FHAD1: variants seen among roughly 807,000 people sequenced by gnomAD.
The protein encoded by FHAD1 is forkhead associated phosphopeptide binding domain 1.
FHAD1 carries 146 observed loss-of-function variants against 191.3 expected under a neutral mutation model. The ratio of observed to expected loss-of-function variants is 0.76; its 90% CI spans 0.67 to 0.88. The LOEUF is 0.88. Ranked by LOEUF, FHAD1 falls within the 40% of genes least tolerant of loss-of-function variation. The pLI is 0.00. For synonymous variants in FHAD1, 616 were observed against 672.3 expected (o/e 0.92, Z 1.29); for missense variants, 1,635 against 1,785.8 (o/e 0.92, Z 1.52).
chr1:15,367,322 C>G (rs531319713), intron 24 of FHAD1, 141 bp from the exon 25 acceptor site: 529 of 926,492 alleles, frequency 5.7e-4, no homozygotes, highest in Middle Eastern at 9.4e-4. Context: ...ATGGTGAAAC[C>G]CTGTCTCTAC....
In FHAD1 at chr1:15,367,635, G is replaced by A. The variant is rs1255112482; in HGVS notation, c.3314+13G>A. On this transcript the variant is annotated intron_variant, in intron 25 of 33. Coordinates refer to ENST00000688493, the MANE Select transcript of FHAD1 (RefSeq NM_001391957.1). ...AGGAGGCACTCAGGTTGGGTGGGCG[G>A]GGGCCGGGTTGGGGGGATGGTTTGC... is the stretch of plus-strand genomic sequence containing the variant. The A allele has an allele frequency of 3.3e-6, 5 of 1,531,480 alleles. No homozygotes were observed. Among genetic ancestry groups the A allele is most frequent in the Non-Finnish European group, 4.4e-6 (5 of 1,136,450 alleles). The allele number at this position is 1,531,480 out of a possible 1,614,324, so 94.9% of individuals were successfully genotyped here. A position where few individuals can be genotyped will look rare whatever the true frequency, so the allele number is the denominator to read the frequency against.
intron 14 of FHAD1, chr1:15,335,332 A>G (rs533441252): frequency 3.9e-5 from 6 of 152,334 alleles, no homozygotes; most frequent in African/African-American, 1.4e-4. Flanking sequence ...TTTCTCTGCA[A>G]GCTCCGTCGT....
intron 14 of FHAD1, among the ~76,000 whole-genome samples, chr1:15,333,411 G>C (rs1682554493): frequency 6.6e-6 from 1 of 152,108 alleles, no homozygotes; most frequent in Non-Finnish European, 1.5e-5. Flanking sequence ...GACGATGATA[G>C]TCATTCATCA....
At chr1:15,355,202 C>T (rs1454839914) in intron 20 of FHAD1, among the ~76,000 whole-genome samples, 2 of 147,974 alleles carry the variant, frequency 1.4e-5, no homozygotes, top group African/African-American at 5.2e-5. Flanking sequence ...GAGTGAGACT[C>T]CTTCTCAAAA....
At chr1:15,378,873 A>G (rs774414995) in intron 28 of FHAD1, among the ~76,000 whole-genome samples, 1 of 151,480 alleles carries the variant, frequency 6.6e-6, no homozygotes, top group Non-Finnish European at 1.5e-5. Context: ...TTGTGAGGGG[A>G]TGTATGGGGG....
At chr1:15,259,944 G>A (rs1650227717) in intron 2 of FHAD1, among the ~76,000 whole-genome samples, 2 of 152,182 alleles carry the variant, frequency 1.3e-5, no homozygotes, top group South Asian at 4.1e-4. Context: ...GAAGCACTTG[G>A]CATGGCATGA....
At chr1:15,338,173 G>A (rs1685056099) in intron 14 of FHAD1, among the ~76,000 whole-genome samples, 1 of 151,766 alleles carries the variant, frequency 6.6e-6, no homozygotes, top group South Asian at 2.1e-4. Flanking sequence ...GTGGCTTCCT[G>A]TGACTATTGT....
intron 33 of FHAD1, among the ~76,000 whole-genome samples, chr1:15,391,485 G>A (rs572901236): frequency 4.6e-5 from 7 of 152,168 alleles, no homozygotes; most frequent in East Asian, 1.9e-4. Context: ...GAGCCACCGC[G>A]CCTGGCTGAA....
chr1:15,267,467 A>C (rs1217345503), intron 2 of FHAD1, among the ~76,000 whole-genome samples: 1 of 152,168 alleles, frequency 6.6e-6, no homozygotes, highest in Non-Finnish European at 1.5e-5. Flanking sequence ...TTGGCCTCAC[A>C]GAATAAGTTA....
intron 2 of FHAD1, among the ~76,000 whole-genome samples, chr1:15,260,571 C>T (rs934445726): frequency 6.6e-6 from 1 of 152,180 alleles, no homozygotes; most frequent in African/African-American, 2.4e-5. Flanking sequence ...AAGAATTTAG[C>T]TCGATGCTGC....
intron 31 of FHAD1, among the ~76,000 whole-genome samples, chr1:15,387,242 C>T (rs1470461116): frequency 6.6e-6 from 1 of 152,098 alleles, no homozygotes; most frequent in Non-Finnish European, 1.5e-5. Context: ...TTATTTAACT[C>T]ATTATTTCCC....
At chr1:15,376,073 ATTTATTTT>A (rs756032729) in intron 28 of FHAD1, among the ~76,000 whole-genome samples, 4,903 of 136,576 alleles carry the variant, frequency 0.036, 67 homozygotes, top group African/African-American at 0.044. Context: ...TTATTTATTT[ATTTATTTT>A]TTTATTTATT....
intron 16 of FHAD1, 57 bp from the exon 17 acceptor site, chr1:15,345,026 C>T (rs575933339): frequency 2.2e-5 from 30 of 1,335,094 alleles, no homozygotes; most frequent in African/African-American, 2.9e-5. Context: ...TGCCTGGCAG[C>T]GTCCAAATTC....
At chr1:15,297,472 C>T (rs1356379731) in intron 5 of FHAD1, among the ~76,000 whole-genome samples, 1 of 152,222 alleles carries the variant, frequency 6.6e-6, no homozygotes, top group East Asian at 1.9e-4. Flanking sequence ...TTCTCAGAGT[C>T]TGTAAGGAGC....
intron 16 of FHAD1, 25 bp from the exon 17 acceptor site, chr1:15,345,058 T>G: frequency 6.6e-7 from 1 of 1,522,130 alleles, no homozygotes; most frequent in Non-Finnish European, 8.9e-7. Context: ...ACCATGTCTG[T>G]TAAACAATGG....
chr1:15,302,452 G>A (rs370801866), intron 6 of FHAD1, among the ~76,000 whole-genome samples: 318 of 152,116 alleles, frequency 2.1e-3, no homozygotes, highest in African/African-American at 7.1e-3. Context: ...ATGGCTGGGC[G>A]CGGTGGCGCA....
Position 15,316,168 on chromosome 1 carries a change from G to A in FHAD1, c.1171-210G>A, listed in dbSNP as rs1429499213. 6.6e-6 allele frequency among the ~76,000 whole-genome samples: 1 copy of A among 152,234 alleles called. No homozygotes were observed. Among genetic ancestry groups the A allele is most frequent in the Non-Finnish European group, 1.5e-5 (1 of 68,046 alleles). The stretch of plus-strand genomic sequence containing the variant: ...ATGAGAGTAGTGGCTTTATTCCTCT[G>A]ATTTCCTGAGTGGAGAAGCAGGAAC... On this transcript the variant is annotated intron_variant, in intron 8 of 33. Transcript: ENST00000688493. The surrounding 1 kb of genome is among the most constrained non-coding windows in gnomAD (Gnocchi z 4.3).
chr1:15,366,506 C>G (rs138373782), intron 24 of FHAD1, among the ~76,000 whole-genome samples: 1 of 152,324 alleles, frequency 6.6e-6, no homozygotes, highest in East Asian at 1.9e-4. Flanking sequence ...CTTACTTCTT[C>G]AGGGATAATT....
chr1:15,257,697 C>T (rs1056535805), intron 2 of FHAD1, among the ~76,000 whole-genome samples: 7 of 152,208 alleles, frequency 4.6e-5, no homozygotes, highest in African/African-American at 1.4e-4. Flanking sequence ...CCCTTCAGCA[C>T]GTGGAGGGCT....
Sources: allele counts gnomAD v4.1 joint callset (sites outside exome capture counted in the v4.1 genomes callset), GRCh38; gene constraint gnomAD v4.1.1; non-coding constraint Gnocchi (gnomAD v3.1); transcripts MANE v1.5; gene names NCBI Gene and HGNC (gene_info 2026-07-23, HGNC 2026-07-21).